Variants in ECPAS observed in about 807,000 individuals in gnomAD.
ECPAS encodes proteasome adapter and scaffold protein ECM29.
ECPAS carries 70 observed loss-of-function variants against 255.1 expected under a neutral mutation model. The ratio of observed to expected loss-of-function variants is 0.27; its 90% CI spans 0.23 to 0.33. The LOEUF (loss-of-function observed/expected upper bound fraction) is 0.33, where lower values mean the gene tolerates loss of function less well. Ranked by LOEUF, ECPAS falls within the 10% of genes least tolerant of loss-of-function variation. The pLI is 1.00. For missense variants in ECPAS, 1,817 were observed against 2,206.4 expected, an observed-to-expected ratio of 0.82 and a Z score of 3.54; for synonymous variants, 784 against 775.0, an observed-to-expected ratio of 1.01 and a Z score of -0.19.
chr9:111,379,247 G>C (rs2098137550), intron 35 of ECPAS, among the ~76,000 whole-genome samples: 1 of 152,186 alleles, frequency 6.6e-6, no homozygotes, highest in African/African-American at 2.4e-5. Context: ...ATACCTTGGG[G>C]ATACTGCAGG....
intron 24 of ECPAS, among the ~76,000 whole-genome samples, chr9:111,407,326 C>T (rs1222159175): frequency 1.4e-4 from 19 of 131,386 alleles, no homozygotes; most frequent in Non-Finnish European, 2.8e-4. Context: ...CGCTTGAACC[C>T]GGGAGGTGGA....
intron 16 of ECPAS, among the ~76,000 whole-genome samples, chr9:111,418,642 T>C (rs931709674): frequency 6.6e-6 from 1 of 152,360 alleles, no homozygotes; most frequent in Admixed American, 6.5e-5. Context: ...AGGATTTTCA[T>C]TTGACCTGAA....
chr9:111,452,958 A>G (rs913043532), intron 2 of ECPAS, among the ~76,000 whole-genome samples: 2 of 152,162 alleles, frequency 1.3e-5, no homozygotes, highest in Non-Finnish European at 1.5e-5. Context: ...GAAATGGAAC[A>G]TGGGGTCGAG....
chr9:111,384,355 A>G (rs2098144543), intron 34 of ECPAS, among the ~76,000 whole-genome samples, 167 bp downstream of exon 34: 1 of 152,366 alleles, frequency 6.6e-6, no homozygotes, highest in South Asian at 2.1e-4. Context: ...CTAGTACTGC[A>G]GTGTTTACAG....
In ECPAS at chr9:111,361,844, C is replaced by T; in HGVS notation, c.*186G>A. The T allele has an allele frequency of 1.6e-6, 1 of 623,436 alleles. No homozygotes were observed. The highest frequency in any genetic ancestry group is 3.1e-5 in the East Asian group (1 of 31,788). 38.6% of individuals were successfully genotyped at this position (623,436 alleles called of 1,614,324 possible). On this transcript the variant is annotated 3_prime_UTR_variant, in exon 50 of 50. Transcript: ENST00000684092. Reference sequence around the variant, plus strand: ...CCATTAAGCTCACTCAGCCCAGATACTTTAAAAACATAAAGTAAAATAAAG... The same window carrying T: ...CCATTAAGCTCACTCAGCCCAGATATTTTAAAAACATAAAGTAAAATAAAG...
intron 6 of ECPAS, among the ~76,000 whole-genome samples, chr9:111,438,924 T>G (rs976001277): frequency 9.9e-5 from 15 of 152,242 alleles, no homozygotes; most frequent in African/African-American, 3.4e-4. Flanking sequence ...GCTTACCATG[T>G]ACACATACTT....
chr9:111,451,225 T>C (rs1046512427), intron 3 of ECPAS, among the ~76,000 whole-genome samples, 200 bp downstream of exon 3: 3 of 152,170 alleles, frequency 2.0e-5, no homozygotes, highest in African/African-American at 7.2e-5. Context: ...AAGTAGACAG[T>C]TGGTGCTAAA....
intron 31 of ECPAS, among the ~76,000 whole-genome samples, chr9:111,388,475 A>C (rs957603227): frequency 6.6e-6 from 1 of 151,320 alleles, no homozygotes; most frequent in Non-Finnish European, 1.5e-5. Flanking sequence ...TCAGCCTAGT[A>C]CCAGACAGGA....
chr9:111,365,271 A>G (rs1257313780), intron 48 of ECPAS, among the ~76,000 whole-genome samples: 1 of 143,102 alleles, frequency 7.0e-6, no homozygotes, highest in African/African-American at 2.6e-5. Context: ...CCCTGTCTCA[A>G]AAATAATAAT....
At chr9:111,388,586 C>T (rs2098154197) in intron 31 of ECPAS, among the ~76,000 whole-genome samples, 2 of 151,814 alleles carry the variant, frequency 1.3e-5, no homozygotes, top group South Asian at 2.1e-4. Context: ...AGGATTTTAA[C>T]CCAAAATGGC....
chr9:111,399,738 C>T (rs1564518348), intron 24 of ECPAS, among the ~76,000 whole-genome samples: 1 of 152,248 alleles, frequency 6.6e-6, no homozygotes, highest in Non-Finnish European at 1.5e-5. Context: ...CAGGCAGAGT[C>T]CGAAAGCCCC....
intron 7 of ECPAS, among the ~76,000 whole-genome samples, chr9:111,434,146 T>C (rs895652806): frequency 2.0e-5 from 3 of 152,046 alleles, no homozygotes; most frequent in Admixed American, 1.3e-4. Flanking sequence ...TTACAATTAT[T>C]AAATGAGAAA....
chr9:111,395,672 T>C (rs1026224282), intron 25 of ECPAS, among the ~76,000 whole-genome samples: 34 of 152,036 alleles, frequency 2.2e-4, no homozygotes, highest in African/African-American at 8.0e-4. Context: ...AGTCACTAGG[T>C]AAAAAACCCA....
At chr9:111,390,975 A>T (rs1248057549) in intron 29 of ECPAS, among the ~76,000 whole-genome samples, 1 of 152,170 alleles carries the variant, frequency 6.6e-6, no homozygotes, top group East Asian at 1.9e-4. Flanking sequence ...AGTCTCCCAC[A>T]ACTGCCCTGA....
At chr9:111,428,279 C>CCTG in intron 9 of ECPAS, 118 bp from the exon 10 acceptor site, 1 of 888,168 alleles carries the variant, frequency 1.1e-6, no homozygotes, top group Admixed American at 3.2e-5. Context: ...TCCCTTTACA[C>CCTG]TCTTAAAAAT....
chr9:111,451,380 C>G, intron 3 of ECPAS, 45 bp downstream of exon 3: 1 of 1,527,468 alleles, frequency 6.5e-7, no homozygotes, highest in Non-Finnish European at 8.8e-7. Context: ...AATGTATATT[C>G]ATTTATTCAT....
At chr9:111,436,879 G>T in intron 7 of ECPAS, 61 bp downstream of exon 7, 1 of 1,399,998 alleles carries the variant, frequency 7.1e-7, no homozygotes, top group South Asian at 1.4e-5. Flanking sequence ...TACGGTTCAT[G>T]AACTTCATAG....
At chr9:111,386,533 G>A in intron 31 of ECPAS, 77 bp from the exon 32 acceptor site, 1 of 831,726 alleles carries the variant, frequency 1.2e-6, no homozygotes, top group Non-Finnish European at 2.0e-6. Context: ...AACCACACTG[G>A]TTAACCACAC....
intron 28 of ECPAS, among the ~76,000 whole-genome samples, chr9:111,392,197 G>T (rs1300635176): frequency 6.6e-6 from 1 of 151,986 alleles, no homozygotes; most frequent in African/African-American, 2.4e-5. Flanking sequence ...CTGACATCGT[G>T]CCACTGCACT....
Sources: gnomAD v4.1 joint callset for allele counts (sites outside exome capture counted in the v4.1 genomes callset) on GRCh38, gnomAD v4.1.1 for gene constraint, MANE v1.5 for transcripts, NCBI Gene and HGNC (gene_info 2026-07-23, HGNC 2026-07-21) for gene names.